ANKRD17: variants seen among roughly 807,000 people sequenced by gnomAD.
ANKRD17 encodes the protein ankyrin repeat domain 17.
A neutral mutation model predicts 229.7 loss-of-function variants in ANKRD17; 19 were observed. The ratio of observed to expected loss-of-function variants is 0.08; its 90% CI spans 0.06 to 0.12. The LOEUF (loss-of-function observed/expected upper bound fraction) is 0.12, where lower values mean the gene tolerates loss of function less well. Ranked by LOEUF, ANKRD17 falls within the 10% of genes least tolerant of loss-of-function variation. The pLI is 1.00. For missense variants in ANKRD17, 2,176 were observed against 3,176.8 expected (o/e 0.68, Z 7.57); for synonymous variants, 1,112 against 1,146.1 (o/e 0.97, Z 0.60).
chr4:73,221,472 CAAAT>C (rs1055020710), intron 1 of ANKRD17, among the ~76,000 whole-genome samples: 8 of 152,210 alleles, frequency 5.3e-5, no homozygotes, highest in African/African-American at 1.9e-4. Context: ...GAAAAATTGT[CAAAT>C]AGATTTATCA....
Position 73,142,696 on chromosome 4 carries a change from G to A in ANKRD17, c.2029C>T (p.Leu677=), listed in dbSNP as rs1430278515. ...GCCAAAAGTAGTTCCACCACTGCCA[G>A]ATGACCCCCTGCACAAGCCAGGGAC... The part of the protein sequence containing the change: ...VLSLACAGGH[L]AVVELLLAHG... Residue 677 remains leucine (L), a synonymous_variant, in exon 12 of 34, where the codon CTG becomes TTG. Coordinates refer to ENST00000358602, the MANE Select transcript of ANKRD17 (RefSeq NM_032217.5). 6.2e-7 allele frequency: 1 copy of A among 1,614,050 alleles called. No homozygotes were observed. The highest frequency in any genetic ancestry group is 8.5e-7 in the Non-Finnish European group (1 of 1,179,940).
intron 19 of ANKRD17, 101 bp downstream of exon 19, chr4:73,121,516 T>C: frequency 7.2e-7 from 1 of 1,387,900 alleles, no homozygotes; most frequent in Non-Finnish European, 1.0e-6. Context: ...AAATTTGTAA[T>C]AAAGGGATTT....
chr4:73,073,479 A>C lies in ANKRD17; in HGVS notation c.*2752T>G, dbSNP rs1038493979. On this transcript the variant is annotated 3_prime_UTR_variant, in exon 34 of 34. Transcript: ENST00000358602. ...CTGTACTGTTTTAAAAATAAGTAAT[A>C]TAGGGTACAAAATTTTTACAAAATG... 6.6e-6 allele frequency: 1 copy of C among 152,092 alleles called. No homozygotes were observed. The highest frequency in any genetic ancestry group is 6.5e-5 in the Admixed American group (1 of 15,272). The allele number at this position is 152,092 out of a possible 1,614,324, so 9.4% of individuals were successfully genotyped here.
rs550667769 is a variant in ANKRD17, at chr4:73,102,417, T to C, written c.4532A>G (p.Glu1511Gly). 1.2e-6 allele frequency: 2 copies of C among 1,603,046 alleles called. No individual in the cohort carries two copies. Among genetic ancestry groups the C allele is most frequent in the Non-Finnish European group, 8.5e-7 (1 of 1,177,708 alleles). ...EIEAKNKENF[E>G]LQAAQEKEKL... ...TTCTTTTTCTTGAGCAGCTTGGAGTTCAAAGTTCTCTTTATTTTTGGCTTC... is the reference window on the plus strand; with the variant it reads ...TTCTTTTTCTTGAGCAGCTTGGAGTCCAAAGTTCTCTTTATTTTTGGCTTC... The change falls in exon 25 of 34, where the codon GAA (glutamate) becomes GGA (glycine). Residue 1511 changes from glutamate (E) to glycine (G), a missense_variant. Coordinates refer to ENST00000358602, the MANE Select transcript of ANKRD17 (RefSeq NM_032217.5).
chr4:73,125,346 ATAACT>A (rs773481342), intron 16 of ANKRD17, 34 bp from the exon 17 acceptor site: 14 of 1,387,748 alleles, frequency 1.0e-5, no homozygotes, highest in African/African-American at 5.8e-5. Flanking sequence ...AGTTTATTAA[ATAACT>A]TAAGATGTTA....
At chr4:73,098,962 GCC>G (rs1378989073) in intron 25 of ANKRD17, 1 of 984,656 alleles carries the variant, frequency 1.0e-6, no homozygotes, top group Non-Finnish European at 1.6e-6. Flanking sequence ...GTCAGAAGGA[GCC>G]CAGTGAAGTG....
intron 29 of ANKRD17, among the ~76,000 whole-genome samples, chr4:73,086,428 C>G (rs1722131936): frequency 6.6e-6 from 1 of 151,810 alleles, no homozygotes; most frequent in Non-Finnish European, 1.5e-5. Flanking sequence ...TACTCTTCCT[C>G]TTCTTTTTCT....
intron 27 of ANKRD17, among the ~76,000 whole-genome samples, chr4:73,095,218 T>A (rs930969743): frequency 6.6e-6 from 1 of 152,104 alleles, no homozygotes; most frequent in Admixed American, 6.5e-5. Flanking sequence ...ATTCTTATAG[T>A]AGCATTAAAA....
In ANKRD17 at chr4:73,090,832, G is replaced by C; in HGVS notation, c.6796C>G (p.His2266Asp). 1 of 1,614,236 alleles carries C rather than the reference G, an allele frequency of 6.2e-7. No homozygotes were observed. The highest frequency in any genetic ancestry group is 1.1e-5 in the South Asian group (1 of 91,090). Reference protein sequence around the residue: ...TLFENSPTSAHAFWGGSVVSS... With the variant: ...TLFENSPTSADAFWGGSVVSS... Reference sequence around the variant, plus strand: ...ACAACAGATCCTCCCCAGAAGGCATGAGCAGAAGTAGGGCTGTTTTCAAAC... The same window carrying C: ...ACAACAGATCCTCCCCAGAAGGCATCAGCAGAAGTAGGGCTGTTTTCAAAC... Residue 2266 changes from histidine (H) to aspartate (D), a missense_variant, in exon 29 of 34, where the codon CAT (histidine) becomes GAT (aspartate). Physicochemically the swap from His to Asp is moderately conservative, Grantham distance 81. Coordinates refer to ENST00000358602, the MANE Select transcript of ANKRD17 (RefSeq NM_032217.5).
chr4:73,100,971 C>G (rs1013622667), intron 25 of ANKRD17: 48 of 984,518 alleles, frequency 4.9e-5, no homozygotes, highest in Non-Finnish European at 5.5e-5. Context: ...ATTCAAAAAA[C>G]AAAACAAAAA....
chr4:73,148,481 C>T (rs1301843131), intron 8 of ANKRD17, among the ~76,000 whole-genome samples: 1 of 152,112 alleles, frequency 6.6e-6, no homozygotes, highest in Non-Finnish European at 1.5e-5. Context: ...AGGTATTCCG[C>T]CCCCAAAGGA....
chr4:73,255,456 C>CT (rs940638640), intron 1 of ANKRD17, among the ~76,000 whole-genome samples: 24 of 152,050 alleles, frequency 1.6e-4, no homozygotes, highest in African/African-American at 5.8e-4. Flanking sequence ...ATTTTATCTA[C>CT]TTTTTTTTAT....
At chr4:73,094,587 G>A (rs1448081170) in intron 27 of ANKRD17, among the ~76,000 whole-genome samples, 5 of 151,738 alleles carry the variant, frequency 3.3e-5, no homozygotes, top group African/African-American at 1.2e-4. Context: ...CTATCTACAC[G>A]CTAATTATGA....
At chr4:73,170,940 A>G (rs1733908451) in intron 2 of ANKRD17, among the ~76,000 whole-genome samples, 1 of 152,132 alleles carries the variant, frequency 6.6e-6, no homozygotes, top group African/African-American at 2.4e-5. Context: ...CTCAGGGCCT[A>G]GGGGAACCTG....
At chr4:73,174,158 G>A (rs1345346369) in intron 2 of ANKRD17, among the ~76,000 whole-genome samples, 5 of 144,426 alleles carry the variant, frequency 3.5e-5, no homozygotes, top group Non-Finnish European at 7.7e-5. Flanking sequence ...ACAGATCCCT[G>A]ATGAACATAG....
chr4:73,152,674 C>G lies in ANKRD17; in HGVS notation c.1235-1150G>C, dbSNP rs1197555937. On this transcript the variant is annotated intron_variant, in intron 6 of 33. Coordinates refer to ENST00000358602, the MANE Select transcript of ANKRD17 (RefSeq NM_032217.5). The stretch of plus-strand genomic sequence containing the variant: ...TTACAAGCAGCCCCATCTCAAAGCT[C>G]TCTAGCCAGCAGGGACTCAGTAGTG... 2.0e-5 allele frequency among the ~76,000 whole-genome samples: 3 copies of G among 152,108 alleles called. 1 individual carries two copies. The East Asian group carries it at 5.8e-4, about 29-fold the overall frequency.
intron 1 of ANKRD17, among the ~76,000 whole-genome samples, chr4:73,210,448 A>AGT (rs888384218): frequency 2.0e-5 from 3 of 152,134 alleles, no homozygotes; most frequent in Non-Finnish European, 2.9e-5. Flanking sequence ...TAAATAAATG[A>AGT]GTGTGTGTGT....
chr4:73,135,686 T>C (rs1361425859), intron 15 of ANKRD17, among the ~76,000 whole-genome samples: 1 of 152,188 alleles, frequency 6.6e-6, no homozygotes, highest in Admixed American at 6.5e-5. Flanking sequence ...CCTTATATTC[T>C]AGAACTAGTA....
chr4:73,147,252 A>C lies in ANKRD17; in HGVS notation c.1748T>G (p.Leu583Ter). ...GCAAAAATGCCTACCTGCAGCTAAT[A>C]AGTATTTAACTAACTCCAAATGACC... ...QEGHLELVKYLLAAGANVHAT... is the reference protein window; with the variant it reads ...QEGHLELVKY Residue 583 changes from leucine to a stop codon, truncating the protein, a stop_gained, in exon 9 of 34, where the codon TTA becomes TGA. Coordinates refer to ENST00000358602, the MANE Select transcript of ANKRD17 (RefSeq NM_032217.5). LOFTEE classifies it high-confidence loss of function. 1 of 1,541,192 alleles carries C rather than the reference A, an allele frequency of 6.5e-7. No homozygotes were observed. Among genetic ancestry groups the C allele is most frequent in the Non-Finnish European group, 8.7e-7 (1 of 1,145,674 alleles).
Sources: allele counts gnomAD v4.1 joint callset (sites outside exome capture counted in the v4.1 genomes callset), GRCh38; gene constraint gnomAD v4.1.1; transcripts MANE v1.5; gene names NCBI Gene and HGNC (gene_info 2026-07-23, HGNC 2026-07-21).